The following EPB41L4A variants were observed in gnomAD, a reference collection of about 807,000 sequenced individuals.
EPB41L4A encodes band 4.1-like protein 4A.
Under a neutral mutation model 108.6 loss-of-function variants are expected in EPB41L4A, and 100 were observed. The observed-to-expected ratio is 0.92, with a 90% CI of 0.78 to 1.09. EPB41L4A has a LOEUF of 1.09. Ranked by LOEUF, EPB41L4A falls within the 50% of genes least tolerant of loss-of-function variation. EPB41L4A has a pLI of 0.00. For missense variants in EPB41L4A, 1,030 were observed against 842.7 expected (o/e 1.22, Z -2.75); for synonymous variants, 319 against 289.0 (o/e 1.10, Z -1.05).
At chr5:112,282,782 C>G (rs954227096) in intron 2 of EPB41L4A, among the ~76,000 whole-genome samples, 1 of 152,218 alleles carries the variant, frequency 6.6e-6, no homozygotes, top group Non-Finnish European at 1.5e-5. Context: ...GGTCTTATTA[C>G]TGTCTGTCTA....
At chr5:112,355,531 A>T (rs1415969882) in intron 1 of EPB41L4A, among the ~76,000 whole-genome samples, 2 of 152,188 alleles carry the variant, frequency 1.3e-5, no homozygotes, top group Non-Finnish European at 2.9e-5. Flanking sequence ...GTTGGAACAC[A>T]ATTTCCAATA....
chr5:112,308,827 T>C (rs988271856), intron 1 of EPB41L4A, among the ~76,000 whole-genome samples: 2 of 144,374 alleles, frequency 1.4e-5, no homozygotes, highest in Non-Finnish European at 2.9e-5. Context: ...TTGATGAGAG[T>C]ATATGTTTTC....
chr5:112,181,993 A>C (rs1761181449), intron 18 of EPB41L4A, among the ~76,000 whole-genome samples: 1 of 151,946 alleles, frequency 6.6e-6, no homozygotes, highest in South Asian at 2.1e-4. Context: ...GAATGGCTTG[A>C]ACCCGGGAGG....
At chr5:112,179,968 G>T (rs529661979) in intron 18 of EPB41L4A, among the ~76,000 whole-genome samples, 1 of 152,202 alleles carries the variant, frequency 6.6e-6, no homozygotes, top group South Asian at 2.1e-4. Flanking sequence ...CAAGGCTTAT[G>T]GGGTGGCAGG....
chr5:112,419,200 G>A lies in EPB41L4A; in HGVS notation c.-161C>T, dbSNP rs887165131. On this transcript the variant is annotated 5_prime_UTR_variant, in exon 1 of 23. Transcript: ENST00000261486. ...CGGGGACCGGCCGCCGAACCGCCCG[G>A]CGGGGCGGGAGCGAGAAAGGCGGAA... The A allele has an allele frequency of 5.7e-6, 3 of 525,444 alleles. No homozygotes were observed. Among genetic ancestry groups the A allele is most frequent in the Non-Finnish European group, 1.0e-5 (3 of 296,886 alleles). The allele number at this position is 525,444 out of a possible 1,614,324, so 32.5% of individuals were successfully genotyped here.
chr5:112,279,471 C>G (rs941718317), intron 3 of EPB41L4A, among the ~76,000 whole-genome samples: 11 of 152,146 alleles, frequency 7.2e-5, no homozygotes, highest in Non-Finnish European at 1.5e-4. Context: ...AACAGAGTTT[C>G]AGTTTAGGGA....
At chr5:112,358,600 G>T (rs1580751979) in intron 1 of EPB41L4A, among the ~76,000 whole-genome samples, 1 of 152,342 alleles carries the variant, frequency 6.6e-6, no homozygotes, top group South Asian at 2.1e-4. Flanking sequence ...CTCACAGATT[G>T]TTAGCTGGAG....
chr5:112,287,592 C>A (rs76373843), intron 2 of EPB41L4A, among the ~76,000 whole-genome samples: 2 of 152,140 alleles, frequency 1.3e-5, no homozygotes, highest in Non-Finnish European at 2.9e-5. Context: ...GGTTTCCTTT[C>A]GCACTCAAAG....
At chr5:112,174,059 T>C (rs567169056) in intron 18 of EPB41L4A, among the ~76,000 whole-genome samples, 70 of 152,246 alleles carry the variant, frequency 4.6e-4, no homozygotes, top group Non-Finnish European at 9.3e-4. Flanking sequence ...ATAAAAGTCC[T>C]ATTTTTAACT....
At chr5:112,221,934 T>C (rs1038264236) in intron 12 of EPB41L4A, among the ~76,000 whole-genome samples, 3 of 152,192 alleles carry the variant, frequency 2.0e-5, no homozygotes, top group Admixed American at 1.3e-4. Context: ...CTTTTACAGA[T>C]GGAAAATAAG....
intron 1 of EPB41L4A, among the ~76,000 whole-genome samples, chr5:112,365,712 C>G (rs1403239739): frequency 6.6e-6 from 1 of 152,172 alleles, no homozygotes; most frequent in East Asian, 1.9e-4. Flanking sequence ...GCTAGGGTAT[C>G]ATATTACATT....
Position 112,268,331 on chromosome 5 carries a change from T to C in EPB41L4A, c.336-2001A>G, listed in dbSNP as rs544206427. The stretch of plus-strand genomic sequence containing the variant: ...AGGCAGAGGTTGCCATGAGCTGAGA[T>C]TGCGCCACTGCACCCCAGCCTGGGT... On this transcript the variant is annotated intron_variant, in intron 4 of 22. Coordinates refer to ENST00000261486, the MANE Select transcript of EPB41L4A (RefSeq NM_022140.5). Among the ~76,000 whole-genome samples, 16 of 152,206 alleles carry C rather than the reference T, an allele frequency of 1.1e-4. No individual in the cohort carries two copies. In the East Asian group the frequency reaches 2.9e-3, roughly 28 times the overall value.
At chr5:112,238,715 G>A (rs1749543397) in intron 11 of EPB41L4A, among the ~76,000 whole-genome samples, 1 of 152,082 alleles carries the variant, frequency 6.6e-6, no homozygotes, top group Non-Finnish European at 1.5e-5. Context: ...CAAGGCCTGG[G>A]GACCTCCCTC....
chr5:112,305,481 A>G (rs1754626739), intron 2 of EPB41L4A, among the ~76,000 whole-genome samples: 1 of 152,160 alleles, frequency 6.6e-6, no homozygotes, highest in Non-Finnish European at 1.5e-5. Flanking sequence ...GGTTTTTAAG[A>G]CAATGATTTT....
At chr5:112,323,541 A>T (rs1755946091) in intron 1 of EPB41L4A, among the ~76,000 whole-genome samples, 1 of 152,220 alleles carries the variant, frequency 6.6e-6, no homozygotes, top group Non-Finnish European at 1.5e-5. Context: ...CAGGCAACTC[A>T]ACTACTCCTT....
At chr5:112,318,667 T>C (rs186684803) in intron 1 of EPB41L4A, among the ~76,000 whole-genome samples, 2 of 152,268 alleles carry the variant, frequency 1.3e-5, no homozygotes, top group East Asian at 1.9e-4. Context: ...TCATAAGATA[T>C]AATAGCTGCT....
chr5:112,174,601 T>C (rs1760768579), intron 18 of EPB41L4A, among the ~76,000 whole-genome samples: 1 of 152,128 alleles, frequency 6.6e-6, no homozygotes, highest in African/African-American at 2.4e-5. Context: ...AACAAACATA[T>C]CATAAATCTA....
Position 112,203,009 on chromosome 5 carries a change from C to A in EPB41L4A, c.1376+1366G>T, listed in dbSNP as rs191061427. On this transcript the variant is annotated intron_variant, in intron 15 of 22. Coordinates refer to ENST00000261486, the MANE Select transcript of EPB41L4A (RefSeq NM_022140.5). Reference sequence around the variant, plus strand: ...CTTGAGGCTAGGAATTCAAGACCAGCCTGGGCAACATAACAAGTGAGACCC... The same window carrying A: ...CTTGAGGCTAGGAATTCAAGACCAGACTGGGCAACATAACAAGTGAGACCC... 2.6e-5 allele frequency among the ~76,000 whole-genome samples: 4 copies of A among 151,998 alleles called. No homozygotes were observed. In the East Asian group the frequency reaches 7.7e-4, roughly 29 times the overall value.
At chr5:112,295,735 A>C (rs1753946828) in intron 2 of EPB41L4A, among the ~76,000 whole-genome samples, 1 of 152,230 alleles carries the variant, frequency 6.6e-6, no homozygotes, top group Admixed American at 6.5e-5. Context: ...AGGACTATGC[A>C]AAGTGTTAGA....
Sources: gnomAD v4.1 joint callset for allele counts (sites outside exome capture counted in the v4.1 genomes callset) on GRCh38, gnomAD v4.1.1 for gene constraint, MANE v1.5 for transcripts, NCBI Gene and HGNC (gene_info 2026-07-23, HGNC 2026-07-21) for gene names.